The following ROR2 variants were observed in gnomAD, a reference collection of about 807,000 sequenced individuals.
The protein encoded by ROR2 is tyrosine-protein kinase transmembrane receptor ROR2.
In ROR2, 33 loss-of-function variants were observed where a neutral mutation model predicts 74.9. That is an observed-to-expected ratio of 0.44 (90% CI 0.33 to 0.59). The LOEUF is 0.59. Among genes scored for constraint, ROR2 ranks in the 20% least tolerant of loss-of-function variants. ROR2 has a pLI of 0.02. For synonymous variants in ROR2, 586 were observed against 558.7 expected (o/e 1.05, Z -0.69); for missense variants, 1,216 against 1,313.8 (o/e 0.93, Z 1.15).
chr9:91,949,872 G>A lies in ROR2; in HGVS notation c.92C>T (p.Thr31Ile), dbSNP rs745418749. ...AAALLLSVSRTSGEVEVLDPN... is the reference protein window; with the variant it reads ...AAALLLSVSRISGEVEVLDPN... ...GCCGGAACGCCAGATCCTACCTGAAGTCCGGGACACTGAGAGCAGAAGCGC... is the reference window on the plus strand; with the variant it reads ...GCCGGAACGCCAGATCCTACCTGAAATCCGGGACACTGAGAGCAGAAGCGC... Residue 31 changes from threonine to isoleucine, a missense_variant, in exon 1 of 9, where the codon ACT (threonine) becomes ATT (isoleucine). Transcript: ENST00000375708. 2.6e-5 allele frequency: 40 copies of A among 1,537,776 alleles called. No individual in the cohort carries two copies. Among genetic ancestry groups the A allele is most frequent in the Non-Finnish European group, 3.5e-5 (40 of 1,137,762 alleles).
chr9:91,788,860 CAA>C (rs60152648), intron 1 of ROR2, among the ~76,000 whole-genome samples: 7,549 of 86,692 alleles, frequency 0.087, 331 homozygotes, highest in Admixed American at 0.22. Context: ...GACTCTGTCT[CAA>C]AAAAAAAAAA....
chr9:91,854,308 C>A (rs1829206367), intron 1 of ROR2, among the ~76,000 whole-genome samples: 3 of 152,150 alleles, frequency 2.0e-5, no homozygotes, highest in Non-Finnish European at 4.4e-5. Context: ...GTCACAAGGG[C>A]GTGGAGTCAG....
At chr9:91,776,363 T>C (rs549288764) in intron 1 of ROR2, among the ~76,000 whole-genome samples, 1 of 152,158 alleles carries the variant, frequency 6.6e-6, no homozygotes, top group Non-Finnish European at 1.5e-5. Context: ...ATTCTTCCTA[T>C]CATTTCTAGT....
In ROR2 at chr9:91,803,113, G is replaced by A. The variant is rs551797366; in HGVS notation, c.98-27295C>T. 2.6e-5 allele frequency among the ~76,000 whole-genome samples: 4 copies of A among 152,306 alleles called. No individual in the cohort carries two copies. The East Asian group carries it at 7.7e-4, about 29-fold the overall frequency. ...GGGGGTGCAAAATGGTGCAGCCTCT[G>A]TAGAAAATGGTACAGAAAAAAATTA... On this transcript the variant is annotated intron_variant, in intron 1 of 8. Coordinates refer to ENST00000375708, the MANE Select transcript of ROR2 (RefSeq NM_004560.4).
intron 2 of ROR2, among the ~76,000 whole-genome samples, chr9:91,759,532 G>A (rs1282411528): frequency 6.6e-6 from 1 of 152,128 alleles, no homozygotes; most frequent in Non-Finnish European, 1.5e-5. Flanking sequence ...CAACCATACA[G>A]GCACAGCATG....
intron 1 of ROR2, among the ~76,000 whole-genome samples, chr9:91,891,744 TC>T (rs1206433529): frequency 6.6e-6 from 1 of 152,066 alleles, no homozygotes; most frequent in Non-Finnish European, 1.5e-5. Flanking sequence ...CCTGGGCCCC[TC>T]ACCTTTAAAG....
intron 2 of ROR2, among the ~76,000 whole-genome samples, chr9:91,764,178 A>G (rs796950708): frequency 1.3e-5 from 2 of 152,214 alleles, no homozygotes; most frequent in South Asian, 4.1e-4. Flanking sequence ...TCACTAAGCA[A>G]CAATTCTGCC....
At chr9:91,775,964 C>G in intron 1 of ROR2, 146 bp from the exon 2 acceptor site, 1 of 722,196 alleles carries the variant, frequency 1.4e-6, no homozygotes, top group Non-Finnish European at 2.5e-6. Flanking sequence ...ATGGTAACCT[C>G]TAGAGGGATT....
chr9:91,891,426 T>C (rs532558282), intron 1 of ROR2, among the ~76,000 whole-genome samples: 1 of 151,970 alleles, frequency 6.6e-6, no homozygotes, highest in South Asian at 2.1e-4. Flanking sequence ...CCAACACCAC[T>C]CCCGGCTAAT....
At chr9:91,902,421 T>C (rs566868413) in intron 1 of ROR2, among the ~76,000 whole-genome samples, 1 of 151,920 alleles carries the variant, frequency 6.6e-6, no homozygotes, top group East Asian at 1.9e-4. Context: ...TGCTTGTACC[T>C]CTCACAGCCA....
intron 1 of ROR2, among the ~76,000 whole-genome samples, chr9:91,838,348 C>T (rs75745017): frequency 0.15 from 22,336 of 152,144 alleles, 2,123 homozygotes; most frequent in Non-Finnish European, 0.21. Context: ...GGGCCAAGTG[C>T]GCACACAGTG....
At chr9:91,948,521 A>C (rs1214949822) in intron 1 of ROR2, 2 of 954,004 alleles carry the variant, frequency 2.1e-6, no homozygotes, top group Non-Finnish European at 2.5e-6. Flanking sequence ...CAAATCAAGT[A>C]ATTAGGAATG....
At chr9:91,850,728 CAAAGA>C in intron 1 of ROR2, among the ~76,000 whole-genome samples, 1 of 152,212 alleles carries the variant, frequency 6.6e-6, no homozygotes, top group Non-Finnish European at 1.5e-5. Flanking sequence ...ACGTAACTCG[CAAAGA>C]TGAGTCTCTT....
chr9:91,882,877 C>T (rs1354751638), intron 1 of ROR2, among the ~76,000 whole-genome samples: 1 of 152,166 alleles, frequency 6.6e-6, no homozygotes, highest in Non-Finnish European at 1.5e-5. Context: ...TCTGGGACTT[C>T]CAGCCTTCAG....
At chr9:91,796,932 G>A (rs1259587508) in intron 1 of ROR2, among the ~76,000 whole-genome samples, 12 of 94,082 alleles carry the variant, frequency 1.3e-4, no homozygotes, top group African/African-American at 5.1e-4. Context: ...CTCTGTGGGC[G>A]GGGCTGACAC....
At chr9:91,807,929 T>C (rs943955040) in intron 1 of ROR2, among the ~76,000 whole-genome samples, 1 of 152,138 alleles carries the variant, frequency 6.6e-6, no homozygotes, top group Non-Finnish European at 1.5e-5. Context: ...GATGGATGAA[T>C]GCCTCTTGCA....
intron 4 of ROR2, among the ~76,000 whole-genome samples, chr9:91,752,982 T>C (rs746495076): frequency 2.6e-5 from 4 of 152,330 alleles, no homozygotes; most frequent in Non-Finnish European, 4.4e-5. Flanking sequence ...AACCGTATGT[T>C]TGAAATTTTT....
At chr9:91,926,659 C>T (rs1423551981) in intron 1 of ROR2, among the ~76,000 whole-genome samples, 1 of 151,982 alleles carries the variant, frequency 6.6e-6, no homozygotes, top group Non-Finnish European at 1.5e-5. Flanking sequence ...TGTAGAAATC[C>T]ATCTACCTTC....
chr9:91,728,765 C>T (rs1465365503), intron 7 of ROR2, among the ~76,000 whole-genome samples: 1 of 152,188 alleles, frequency 6.6e-6, no homozygotes, highest in African/African-American at 2.4e-5. Context: ...ATCGTGTCAT[C>T]CATATTTTCC....
Sources: allele counts gnomAD v4.1 joint callset (sites outside exome capture counted in the v4.1 genomes callset), GRCh38; gene constraint gnomAD v4.1.1; transcripts MANE v1.5; gene names NCBI Gene and HGNC (gene_info 2026-07-23, HGNC 2026-07-21).